Variants in TECTB observed in about 807,000 individuals in gnomAD.
TECTB encodes beta-tectorin.
A neutral mutation model predicts 43.3 loss-of-function variants in TECTB; 45 were observed. The ratio of observed to expected loss-of-function variants is 1.04; its 90% CI spans 0.82 to 1.33. TECTB has a LOEUF of 1.33. Among genes scored for constraint, TECTB ranks in the 40% most tolerant of loss-of-function variants. TECTB has a pLI of 0.00. For synonymous variants in TECTB, 169 were observed against 156.7 expected, an observed-to-expected ratio of 1.08 and a Z score of -0.59; for missense variants, 399 against 404.7, an observed-to-expected ratio of 0.99 and a Z score of 0.12.
Position 112,284,573 on chromosome 10 carries a change from AC to A in TECTB, c.117del (p.Ile41SerfsTer32). The A allele has an allele frequency of 6.2e-7, 1 of 1,611,916 alleles. No homozygotes were observed. Among genetic ancestry groups the A allele is most frequent in the South Asian group, 1.1e-5 (1 of 90,492 alleles). On this transcript the variant is annotated frameshift_variant, in exon 3 of 11. Transcript: ENST00000646139. LOFTEE classifies it high-confidence loss of function. ...GTTTTGCTATCCCAAAACCATCATC[AC>A]CAAAATCCCCGAGTGTCCCTATGGA... ...LVFCYPKTII[T>X]KIPECPYGWE... is the part of the protein sequence containing the mutation.
In TECTB at chr10:112,294,045, C is replaced by A. The variant is rs762548206; in HGVS notation, c.655C>A (p.Gln219Lys). The A allele has an allele frequency of 6.2e-7, 1 of 1,614,078 alleles. No individual in the cohort carries two copies. Among genetic ancestry groups the A allele is most frequent in the East Asian group, 2.2e-5 (1 of 44,878 alleles). Residue 219 changes from glutamine to lysine, a missense_variant, in exon 7 of 11, where the codon CAG (glutamine) becomes AAG (lysine). Coordinates refer to ENST00000646139, the MANE Select transcript of TECTB (RefSeq NM_058222.3). ...TGACTTCATGTATCCCTTGCAGTGG[C>A]AGCTGATCAACAAGGGGTAGGTACA... is the stretch of plus-strand genomic sequence containing the variant. ...SADFMYPLQW[Q>K]LINKGCPTDE...
rs1427948628 is a variant in TECTB at position 112,293,698 on chromosome 10, C to T, written c.484-40C>T. On this transcript the variant is annotated intron_variant, in intron 5 of 10. Coordinates refer to ENST00000646139, the MANE Select transcript of TECTB (RefSeq NM_058222.3). ...CTCCTGGTAGACCTAGCTGCTCAAT[C>T]TGAGAGTTCATAATGCCCAGTGTCA... is the stretch of plus-strand genomic sequence containing the variant. 3.8e-6 allele frequency: 6 copies of T among 1,580,784 alleles called. No individual in the cohort carries two copies. The Admixed American group carries it at 1.0e-4, about 26-fold the overall frequency.
intron 5 of TECTB, among the ~76,000 whole-genome samples, chr10:112,293,210 A>G (rs1312400390): frequency 6.6e-6 from 1 of 152,268 alleles, no homozygotes; most frequent in Non-Finnish European, 1.5e-5. Flanking sequence ...GACAGAGTCC[A>G]TCGTCAGTGC....
chr10:112,292,153 AAGAAAGAAAGCTAATCCAC>A (rs1270285540), intron 5 of TECTB, among the ~76,000 whole-genome samples: 6 of 151,908 alleles, frequency 3.9e-5, no homozygotes, highest in Non-Finnish European at 7.4e-5. Context: ...AAAAAAAAGA[AAGAAAGAAAGCTAATCCAC>A]AGAGCAGTTC....
chr10:112,296,818 G>C (rs1848550440), intron 7 of TECTB, among the ~76,000 whole-genome samples: 1 of 152,178 alleles, frequency 6.6e-6, no homozygotes, highest in African/African-American at 2.4e-5. Flanking sequence ...GGGGTAACTG[G>C]ACCGCTCTCT....
intron 9 of TECTB, among the ~76,000 whole-genome samples, chr10:112,301,186 G>A (rs1430265911): frequency 6.6e-6 from 1 of 152,224 alleles, no homozygotes; most frequent in Non-Finnish European, 1.5e-5. Context: ...ACTTTGGGAG[G>A]CCAAGGCGGG....
chr10:112,289,452 T>C (rs555251492), intron 5 of TECTB, among the ~76,000 whole-genome samples: 40 of 152,258 alleles, frequency 2.6e-4, no homozygotes, highest in African/African-American at 9.4e-4. Context: ...CCAAAACCCT[T>C]CTGCAATATT....
chr10:112,283,568 C>A, intron 1 of TECTB, 72 bp downstream of exon 1: 1 of 629,356 alleles, frequency 1.6e-6, no homozygotes, highest in Non-Finnish European at 2.7e-6. Flanking sequence ...CGTTTATCTC[C>A]CTTGAAAATT....
intron 10 of TECTB, 130 bp downstream of exon 10, chr10:112,302,263 C>T: frequency 8.9e-7 from 1 of 1,125,088 alleles, no homozygotes; most frequent in South Asian, 1.5e-5. Context: ...TAAAGCACAC[C>T]TGAGTGGCGC....
Position 112,298,116 on chromosome 10 carries a change from A to C in TECTB, c.719A>C (p.His240Pro), listed in dbSNP as rs747658955. Residue 240 changes from histidine (H) to proline (P), a missense_variant, in exon 8 of 11, where the codon CAC becomes CCC. By Grantham distance (77) the His-to-Pro change is moderately conservative. Transcript: ENST00000646139. ...TVLVHENGRD[H>P]RATFQFNAFR... is the part of the protein sequence containing the mutation. ...CTCGTGCATGAGAATGGGAGAGATC[A>C]CAGGGCAACCTTCCAATTCAATGCT... 10 of 1,614,250 alleles carry C rather than the reference A, an allele frequency of 6.2e-6. No individual in the cohort carries two copies. The highest frequency in any genetic ancestry group is 8.5e-6 in the Non-Finnish European group (10 of 1,180,036).
chr10:112,283,868 A>G, intron 2 of TECTB, 58 bp downstream of exon 2: 1 of 1,562,744 alleles, frequency 6.4e-7, no homozygotes, highest in Non-Finnish European at 8.8e-7. Flanking sequence ...GTTTCCTTTT[A>G]CAATGCTCAG....
rs1346535123 is a variant in TECTB, at chr10:112,284,645, G to A, written c.187G>A (p.Val63Ile). 6.2e-7 allele frequency: 1 copy of A among 1,613,612 alleles called. No homozygotes were observed. Among genetic ancestry groups the A allele is most frequent in the Non-Finnish European group, 8.5e-7 (1 of 1,179,758 alleles). The change falls in exon 3 of 11, where the codon GTC becomes ATC. Residue 63 changes from valine to isoleucine, a missense_variant. Physicochemically the swap from Val to Ile is conservative, Grantham distance 29. Transcript: ENST00000646139. Reference sequence around the variant, plus strand: ...CCTCGGAGGGCTGTGTTACAATGGGGTCCACGAAGGAGGTTACTACCAATT... The same window carrying A: ...CCTCGGAGGGCTGTGTTACAATGGGATCCACGAAGGAGGTTACTACCAATT... ...LALGGLCYNG[V>I]HEGGYYQFVI...
chr10:112,297,704 T>A (rs940289565), intron 7 of TECTB, among the ~76,000 whole-genome samples: 1 of 152,326 alleles, frequency 6.6e-6, no homozygotes, highest in East Asian at 1.9e-4. Flanking sequence ...ATGCTGCACC[T>A]GGTGCCATTG....
chr10:112,290,897 T>A (rs74158712), intron 5 of TECTB, among the ~76,000 whole-genome samples: 16,988 of 152,152 alleles, frequency 0.11, 1,851 homozygotes, highest in African/African-American at 0.29. Context: ...TAAAATAATG[T>A]CAGAGGTACT....
intron 7 of TECTB, among the ~76,000 whole-genome samples, chr10:112,295,094 A>G (rs1375282630): frequency 5.3e-5 from 8 of 152,262 alleles, no homozygotes. Context: ...AGACAGGGCT[A>G]GACAAGAGAT....
intron 5 of TECTB, among the ~76,000 whole-genome samples, chr10:112,293,443 T>C (rs1178677986): frequency 6.6e-6 from 1 of 152,228 alleles, no homozygotes; most frequent in Admixed American, 6.5e-5. Flanking sequence ...TCCCTGAATT[T>C]CACTTGTTTT....
intron 9 of TECTB, among the ~76,000 whole-genome samples, chr10:112,300,824 A>G (rs564892415): frequency 6.6e-6 from 1 of 152,374 alleles, no homozygotes; most frequent in South Asian, 2.1e-4. Flanking sequence ...AGCATTTTGG[A>G]TAAGGGATAT....
Position 112,293,846 on chromosome 10 carries a change from G to A in TECTB, c.587+5G>A. ...AGCCAAAGGGTTAAGCATTAGGTAA[G>A]TACATTTCCTCCAAGTTTATATGTT... On this transcript the variant is annotated splice_donor_5th_base_variant and intron_variant, in intron 6 of 10. Transcript: ENST00000646139. The A allele has an allele frequency of 1.9e-6, 3 of 1,613,544 alleles. No individual in the cohort carries two copies. Among genetic ancestry groups the A allele is most frequent in the Non-Finnish European group, 1.7e-6 (2 of 1,179,476 alleles).
rs200333601 is a variant in TECTB at position 112,302,107 on chromosome 10, G to T, written c.914G>T (p.Gly305Val). ...CTCTCTTTACTCACTACAGGCAGGG[G>T]ATTTTCCAGTCTCTATAGCTTCTCA... Reference protein sequence around the residue: ...LVVELSLRSRGFSSLYSFSDV... With the variant: ...LVVELSLRSRVFSSLYSFSDV... Residue 305 changes from glycine to valine, a missense_variant, in exon 10 of 11, where the codon GGA becomes GTA. Coordinates refer to ENST00000646139, the MANE Select transcript of TECTB (RefSeq NM_058222.3). The T allele has an allele frequency of 6.2e-7, 1 of 1,614,032 alleles. No homozygotes were observed. The highest frequency in any genetic ancestry group is 1.3e-5 in the African/African-American group (1 of 75,036).
Sources: gnomAD v4.1 joint callset for allele counts (sites outside exome capture counted in the v4.1 genomes callset) on GRCh38, gnomAD v4.1.1 for gene constraint, MANE v1.5 for transcripts, NCBI Gene and HGNC (gene_info 2026-07-23, HGNC 2026-07-21) for gene names.